Variants in PTAFR observed in about 807,000 individuals in gnomAD.
PTAFR encodes platelet activating factor receptor, also known as platelet-activating factor receptor.
PTAFR carries 8 observed loss-of-function variants against 14.7 expected under a neutral mutation model. That is an observed-to-expected ratio of 0.54 (90% CI 0.32 to 0.98). The LOEUF is 0.98. PTAFR is among the 50% of genes least tolerant of loss of function. PTAFR has a pLI of 0.04. For missense variants in PTAFR, 337 were observed against 451.2 expected (o/e 0.75, Z 2.29); for synonymous variants, 156 against 176.5 (o/e 0.88, Z 0.92).
At chr1:28,181,116 G>C (rs1393796594), upstream of PTAFR, among the ~76,000 whole-genome samples, 2 of 152,120 alleles carry the variant, frequency 1.3e-5, no homozygotes, top group Non-Finnish European at 2.9e-5. Flanking sequence ...CCAAAGTGCT[G>C]GGATTACAGG....
At chr1:28,173,644 C>T (rs748279) in intron 1 of PTAFR, among the ~76,000 whole-genome samples, 4,357 of 146,650 alleles carry the variant, frequency 0.03, 224 homozygotes, top group African/African-American at 0.1. Context: ...GAGCAAGACT[C>T]TGTCTCAAAA....
intron 1 of PTAFR, among the ~76,000 whole-genome samples, chr1:28,172,484 C>T (rs905020754): frequency 6.6e-6 from 1 of 152,210 alleles, no homozygotes; most frequent in Non-Finnish European, 1.5e-5. Context: ...TCTGTTTCTT[C>T]CTTGCTGCGT....
At chr1:28,165,040 AAG>A (rs1261549092) in intron 1 of PTAFR, among the ~76,000 whole-genome samples, 6 of 152,202 alleles carry the variant, frequency 3.9e-5, no homozygotes, top group African/African-American at 1.4e-4. Flanking sequence ...TATATGGACT[AAG>A]AGAAAAGGAT....
intron 1 of PTAFR, among the ~76,000 whole-genome samples, chr1:28,156,753 G>T (rs928697149): frequency 1.3e-5 from 2 of 152,150 alleles, no homozygotes; most frequent in African/African-American, 4.8e-5. Flanking sequence ...CCCTTCCTTG[G>T]ATCCCAAGAT....
chr1:28,174,520 A>G lies in PTAFR; in HGVS notation c.-39+2072T>C, dbSNP rs886102972. ...TTGTCACTGATAGCATAAACTGTGA[A>G]TTCCTTACTCCTTCAATGACCAGAT... On this transcript the variant is annotated intron_variant, in intron 1 of 1. Coordinates refer to ENST00000373857, the MANE Select transcript of PTAFR (RefSeq NM_000952.5). Among the ~76,000 whole-genome samples the G allele has an allele frequency of 4.6e-5, 7 of 152,312 alleles. No individual in the cohort carries two copies. In the East Asian group the frequency reaches 1.2e-3, roughly 25 times the overall value.
At chr1:28,182,826 A>C (rs1189175185) in intron 1 of PTAFR, among the ~76,000 whole-genome samples, 1 of 151,982 alleles carries the variant, frequency 6.6e-6, no homozygotes, top group Non-Finnish European at 1.5e-5. Context: ...GATTACAGGC[A>C]CCTGCCACCA....
At chr1:28,193,525 G>A (rs1646673689) in intron 1 of PTAFR, among the ~76,000 whole-genome samples, 2 of 152,006 alleles carry the variant, frequency 1.3e-5, no homozygotes, top group Admixed American at 1.3e-4. Context: ...ATGGCCCTGA[G>A]GGGTGAGAGG....
At chr1:28,157,773 C>T (rs762851711) in intron 1 of PTAFR, among the ~76,000 whole-genome samples, 21 of 151,674 alleles carry the variant, frequency 1.4e-4, no homozygotes, top group South Asian at 4.2e-4. Context: ...GGACTACAGG[C>T]GCCTGCCACG....
At chr1:28,153,834 G>A (rs541190840) in intron 1 of PTAFR, among the ~76,000 whole-genome samples, 3 of 151,992 alleles carry the variant, frequency 2.0e-5, no homozygotes, top group African/African-American at 7.2e-5. Flanking sequence ...ATTGCAGTAA[G>A]CCGAGATTGT....
At chr1:28,177,380 C>T (rs966038756), upstream of PTAFR, among the ~76,000 whole-genome samples, 3 of 152,136 alleles carry the variant, frequency 2.0e-5, no homozygotes, top group African/African-American at 7.2e-5. Flanking sequence ...GCCCAGAAAC[C>T]CCATGGGAAC....
At chr1:28,188,128 A>G (rs1350024690) in intron 1 of PTAFR, among the ~76,000 whole-genome samples, 1 of 151,416 alleles carries the variant, frequency 6.6e-6, no homozygotes, top group East Asian at 2.0e-4. Flanking sequence ...CCTGGGCAAC[A>G]TAGCAAGACC....
chr1:28,190,599 C>T (rs1249471178), intron 1 of PTAFR, among the ~76,000 whole-genome samples: 1 of 152,040 alleles, frequency 6.6e-6, no homozygotes, highest in Non-Finnish European at 1.5e-5. Context: ...GCCATTAAGT[C>T]GTAGTAGTTA....
chr1:28,187,114 G>T (rs569042845), intron 1 of PTAFR, among the ~76,000 whole-genome samples: 1 of 152,242 alleles, frequency 6.6e-6, no homozygotes. Flanking sequence ...TTATCATAGT[G>T]ATTCCAAAAC....
At chr1:28,173,160 C>T (rs1363022678) in intron 1 of PTAFR, among the ~76,000 whole-genome samples, 1 of 149,650 alleles carries the variant, frequency 6.7e-6, no homozygotes, top group African/African-American at 2.5e-5. Context: ...TGGTGGCATG[C>T]GCCTGTAGTC....
intron 1 of PTAFR, among the ~76,000 whole-genome samples, chr1:28,170,771 C>T (rs919653361): frequency 2.6e-5 from 4 of 151,624 alleles, no homozygotes; most frequent in Non-Finnish European, 4.4e-5. Flanking sequence ...GAGGCCAAGG[C>T]GGGCGGATCA....
At chr1:28,153,254 G>A (rs751944596) in intron 1 of PTAFR, among the ~76,000 whole-genome samples, 3 of 152,226 alleles carry the variant, frequency 2.0e-5, no homozygotes, top group Admixed American at 6.5e-5. Context: ...ACACCATTTC[G>A]AACAAAACAA....
chr1:28,154,876 G>C (rs994110395), intron 1 of PTAFR, among the ~76,000 whole-genome samples: 1 of 150,942 alleles, frequency 6.6e-6, no homozygotes. Context: ...AACAAAAAGA[G>C]ATCTACTTAG....
chr1:28,180,241 A>G (rs868697252), upstream of PTAFR, among the ~76,000 whole-genome samples: 1 of 152,092 alleles, frequency 6.6e-6, no homozygotes, highest in South Asian at 2.1e-4. Flanking sequence ...GAGGATGGAC[A>G]TGGTGGCTCA....
intron 1 of PTAFR, among the ~76,000 whole-genome samples, chr1:28,159,756 G>A (rs1646302684): frequency 6.6e-6 from 1 of 151,632 alleles, no homozygotes; most frequent in East Asian, 1.9e-4. Context: ...AACCCAGGAG[G>A]TAGAGGTTGC....
Sources: gnomAD v4.1 joint callset for allele counts (sites outside exome capture counted in the v4.1 genomes callset) on GRCh38, gnomAD v4.1.1 for gene constraint, MANE v1.5 for transcripts, NCBI Gene and HGNC (gene_info 2026-07-23, HGNC 2026-07-21) for gene names.